The following ADAM23 variants were observed in gnomAD, a reference collection of about 807,000 sequenced individuals.
The protein encoded by ADAM23 is ADAM metallopeptidase domain 23, also known as disintegrin and metalloproteinase domain-containing protein 23.
In ADAM23, 33 loss-of-function variants were observed where a neutral mutation model predicts 120.1. The ratio of observed to expected loss-of-function variants is 0.27; its 90% CI spans 0.21 to 0.37. The LOEUF is 0.37. Among genes scored for constraint, ADAM23 ranks in the 10% least tolerant of loss-of-function variants. ADAM23 has a pLI of 1.00. For missense variants in ADAM23, 862 were observed against 1,058.2 expected, an observed-to-expected ratio of 0.81 and a Z score of 2.57; for synonymous variants, 367 against 375.2, an observed-to-expected ratio of 0.98 and a Z score of 0.25.
intron 10 of ADAM23, among the ~76,000 whole-genome samples, chr2:206,559,606 C>G (rs1697717124): frequency 6.6e-6 from 1 of 152,144 alleles, no homozygotes; most frequent in Admixed American, 6.5e-5. Context: ...GTATATCAGG[C>G]TCCAACCTGT....
At chr2:206,535,039 G>A (rs1361302205) in intron 4 of ADAM23, among the ~76,000 whole-genome samples, 2 of 150,642 alleles carry the variant, frequency 1.3e-5, no homozygotes, top group Non-Finnish European at 2.9e-5. Flanking sequence ...GAATTGTACT[G>A]TGGCCACCCA....
chr2:206,579,859 G>A (rs1308254524), intron 18 of ADAM23, among the ~76,000 whole-genome samples: 1 of 152,104 alleles, frequency 6.6e-6, no homozygotes, highest in Non-Finnish European at 1.5e-5. Flanking sequence ...CCATCTGTGA[G>A]CATGGGATGT....
intron 2 of ADAM23, among the ~76,000 whole-genome samples, chr2:206,477,017 T>C (rs1157207611): frequency 6.6e-6 from 1 of 152,174 alleles, no homozygotes; most frequent in Non-Finnish European, 1.5e-5. Context: ...GATATAGAGT[T>C]ATTTTTCTTC....
intron 3 of ADAM23, among the ~76,000 whole-genome samples, chr2:206,487,821 C>T (rs931598865): frequency 2.0e-5 from 3 of 152,204 alleles, no homozygotes; most frequent in Admixed American, 1.3e-4. Flanking sequence ...GGTGATGTGA[C>T]ATGTCTTTGT....
intron 3 of ADAM23, among the ~76,000 whole-genome samples, chr2:206,516,843 C>A (rs1157109298): frequency 6.6e-6 from 1 of 151,992 alleles, no homozygotes; most frequent in Non-Finnish European, 1.5e-5. Flanking sequence ...TGAGCTGGCA[C>A]CCAACCTACC....
At chr2:206,469,204 C>A (rs1009248665) in intron 2 of ADAM23, among the ~76,000 whole-genome samples, 7 of 152,172 alleles carry the variant, frequency 4.6e-5, no homozygotes, top group African/African-American at 1.7e-4. Context: ...ATTCACAACT[C>A]CACTTGGGTA....
rs1423204794 is a variant in ADAM23 at position 206,587,336 on chromosome 2, T to C, written c.1749T>C (p.Asn583=). 6.2e-7 allele frequency: 1 copy of C among 1,607,914 alleles called. No individual in the cohort carries two copies. The highest frequency in any genetic ancestry group is 8.5e-7 in the Non-Finnish European group (1 of 1,176,744). ...ATAATATTTTGCAGTGCCCACCAAA[T>C]CTTCATAAGCAAGACGGATATGCAT... is the stretch of plus-strand genomic sequence containing the variant. ...CTGDSGQCPP[N]LHKQDGYACN... is the part of the protein sequence containing the mutation. The change falls in exon 19 of 26, where the codon AAT becomes AAC. Residue 583 remains asparagine, a synonymous_variant. Transcript: ENST00000264377.
intron 9 of ADAM23, among the ~76,000 whole-genome samples, chr2:206,554,715 GAGTAAGTT>G (rs1029321424): frequency 2.0e-5 from 3 of 152,252 alleles, no homozygotes; most frequent in African/African-American, 7.2e-5. Context: ...GTGTGATCTT[GAGTAAGTT>G]ATTTGGGGAT....
intron 3 of ADAM23, among the ~76,000 whole-genome samples, chr2:206,497,697 T>C (rs1160858646): frequency 6.6e-6 from 1 of 152,060 alleles, no homozygotes; most frequent in Non-Finnish European, 1.5e-5. Context: ...CAATTAGGAA[T>C]AGAGGAAGTC....
intron 3 of ADAM23, among the ~76,000 whole-genome samples, chr2:206,527,089 C>T (rs1244594516): frequency 6.6e-6 from 1 of 152,202 alleles, no homozygotes; most frequent in East Asian, 1.9e-4. Flanking sequence ...GAGAATACAG[C>T]TTTTCTGTAG....
intron 3 of ADAM23, among the ~76,000 whole-genome samples, chr2:206,491,446 C>T (rs772818517): frequency 6.6e-6 from 1 of 152,148 alleles, no homozygotes; most frequent in Non-Finnish European, 1.5e-5. Context: ...TAAAAGACAT[C>T]TCTAGTGAGT....
chr2:206,479,005 A>G (rs1053565113), intron 2 of ADAM23, among the ~76,000 whole-genome samples: 3 of 152,192 alleles, frequency 2.0e-5, no homozygotes, highest in African/African-American at 7.2e-5. Flanking sequence ...GGAGACCATC[A>G]CTTCTTAGAG....
At chr2:206,551,749 A>G (rs1199205130) in intron 9 of ADAM23, among the ~76,000 whole-genome samples, 2 of 152,218 alleles carry the variant, frequency 1.3e-5, no homozygotes, top group African/African-American at 4.8e-5. Flanking sequence ...TTAAGTTTCT[A>G]CTTTAATGGA....
intron 18 of ADAM23, among the ~76,000 whole-genome samples, chr2:206,582,728 A>C (rs1349773814): frequency 6.6e-6 from 1 of 152,154 alleles, no homozygotes; most frequent in East Asian, 1.9e-4. Flanking sequence ...AGCTCCTTTT[A>C]GCAGTTCTTG....
chr2:206,581,370 C>A (rs1281076149), intron 18 of ADAM23, among the ~76,000 whole-genome samples: 1 of 152,178 alleles, frequency 6.6e-6, no homozygotes, highest in Non-Finnish European at 1.5e-5. Context: ...GGGCTATGAA[C>A]TTTCCTGTTA....
intron 16 of ADAM23, 90 bp downstream of exon 16, chr2:206,570,901 T>C (rs760942730): frequency 4.7e-5 from 52 of 1,096,198 alleles, no homozygotes; most frequent in Non-Finnish European, 6.9e-5. Context: ...ACATTGATTG[T>C]GGTCTTACTG....
intron 18 of ADAM23, among the ~76,000 whole-genome samples, chr2:206,583,334 G>A (rs1345885902): frequency 2.6e-5 from 4 of 152,000 alleles, no homozygotes; most frequent in African/African-American, 9.7e-5. Context: ...AGCGCCTATA[G>A]TCCCAGCTAC....
In ADAM23 at chr2:206,481,289, C is replaced by T. The variant is rs1695890755; in HGVS notation, c.490C>T (p.Leu164Phe). 1 of 1,610,566 alleles carries T rather than the reference C, an allele frequency of 6.2e-7. No homozygotes were observed. The highest frequency in any genetic ancestry group is 1.1e-5 in the South Asian group (1 of 90,620). ...TGAAGCCTTCGGCTCCAAATTCATT[C>T]TTGACCTCATACTGAACAAGTGAGT... Reference protein sequence around the residue: ...QIEAFGSKFILDLILNNGLLS... With the variant: ...QIEAFGSKFIFDLILNNGLLS... Residue 164 changes from leucine to phenylalanine, a missense_variant, in exon 3 of 26, where the codon CTT becomes TTT. Coordinates refer to ENST00000264377, the MANE Select transcript of ADAM23 (RefSeq NM_003812.4).
At chr2:206,460,127 T>C (rs1695385580) in intron 2 of ADAM23, among the ~76,000 whole-genome samples, 1 of 150,792 alleles carries the variant, frequency 6.6e-6, no homozygotes, top group Non-Finnish European at 1.5e-5. Context: ...TTTTCCCACC[T>C]CCAATCATAA....
Sources: allele counts gnomAD v4.1 joint callset (sites outside exome capture counted in the v4.1 genomes callset), GRCh38; gene constraint gnomAD v4.1.1; transcripts MANE v1.5; gene names NCBI Gene and HGNC (gene_info 2026-07-23, HGNC 2026-07-21).